CCDC38: variants seen among roughly 807,000 people sequenced by gnomAD.
CCDC38 encodes coiled-coil domain containing 38, also known as coiled-coil domain-containing protein 38.
CCDC38 carries 69 observed loss-of-function variants against 72.8 expected under a neutral mutation model. That is an observed-to-expected ratio of 0.95 (90% CI 0.78 to 1.16). CCDC38 has a LOEUF of 1.16. CCDC38 is among the 50% of genes most tolerant of loss of function. CCDC38 has a pLI of 0.00. For synonymous variants in CCDC38, 201 were observed against 213.2 expected (o/e 0.94, Z 0.50); for missense variants, 626 against 638.9 (o/e 0.98, Z 0.22).
At chr12:95,927,051 A>G (rs1265743609) in intron 2 of CCDC38, among the ~76,000 whole-genome samples, 22 of 152,200 alleles carry the variant, frequency 1.4e-4, no homozygotes, top group Admixed American at 3.9e-4. Context: ...GTAGATGTCT[A>G]TTAGGTCTGC....
intron 2 of CCDC38, among the ~76,000 whole-genome samples, chr12:95,925,195 T>G (rs2080255358): frequency 6.6e-6 from 1 of 152,188 alleles, no homozygotes; most frequent in African/African-American, 2.4e-5. Flanking sequence ...TTCCATTTGT[T>G]TGTATCCTCT....
rs754152531 is a variant in CCDC38 at position 95,869,539 on chromosome 12, G to T, written c.1519C>A (p.His507Asn). The T allele has an allele frequency of 6.8e-6, 11 of 1,613,410 alleles. No individual in the cohort carries two copies. Among genetic ancestry groups the T allele is most frequent in the Non-Finnish European group, 9.3e-6 (11 of 1,179,828 alleles). Reference sequence around the variant, plus strand: ...GCAGCTTTTAGCCTTTCCTGTTGGTGTCTTTGTTTTTCTTTCATTTTCTCA... The same window carrying T: ...GCAGCTTTTAGCCTTTCCTGTTGGTTTCTTTGTTTTTCTTTCATTTTCTCA... ...RDEKMKEKQR[H>N]QQERLKAALE... The change falls in exon 15 of 16, where the codon CAC (histidine) becomes AAC (asparagine). Residue 507 changes from histidine (H) to asparagine (N), a missense_variant. By Grantham distance (68) the His-to-Asn change is moderately conservative. Transcript: ENST00000344280.
At chr12:95,875,576 T>C (rs560875780) in intron 13 of CCDC38, among the ~76,000 whole-genome samples, 1 of 152,166 alleles carries the variant, frequency 6.6e-6, no homozygotes, top group Non-Finnish European at 1.5e-5. Flanking sequence ...GAGCTGCAGC[T>C]AAATTTACTC....
chr12:95,886,536 C>T (rs1214036578), intron 10 of CCDC38, among the ~76,000 whole-genome samples: 1 of 152,180 alleles, frequency 6.6e-6, no homozygotes, highest in Non-Finnish European at 1.5e-5. Flanking sequence ...ACAATCTATA[C>T]ACTCAGAGAA....
Position 95,867,085 on chromosome 12 carries a change from A to G in CCDC38, c.1683T>C (p.Phe561=). The change falls in exon 16 of 16, where the codon TTT becomes TTC. Residue 561 remains phenylalanine (F), a synonymous_variant. Transcript: ENST00000344280. ...GTCTTACTGCTTTTATTCAAGTAAA[A>G]AAATATTCTTCCTCTTGTGATTTTG... ...TKTKSQEEEY[F]FT is the part of the protein sequence containing the mutation. 1 of 1,565,510 alleles carries G rather than the reference A, an allele frequency of 6.4e-7. No homozygotes were observed. Among genetic ancestry groups the G allele is most frequent in the South Asian group, 1.1e-5 (1 of 88,552 alleles).
intron 12 of CCDC38, among the ~76,000 whole-genome samples, chr12:95,878,953 A>T (rs2079667982): frequency 6.6e-6 from 1 of 152,202 alleles, no homozygotes; most frequent in African/African-American, 2.4e-5. Context: ...TTTGAAGTTA[A>T]ATGTAGTTTG....
chr12:95,878,327 G>T lies in CCDC38; in HGVS notation c.1162C>A (p.Leu388Ile). Residue 388 changes from leucine to isoleucine, a missense_variant, in exon 13 of 16, where the codon CTT becomes ATT. Transcript: ENST00000344280. ...QDKTNSNIEFLLEQEKMLKAN... is the reference protein window; with the variant it reads ...QDKTNSNIEFILEQEKMLKAN... ...TTAAGCATTTTTTCTTGCTCCAAAA[G>T]AAACTCTATGTTGCTATTTCTATTA... The T allele has an allele frequency of 3.1e-6, 5 of 1,612,860 alleles. No individual in the cohort carries two copies. The East Asian group carries it at 6.7e-5, about 22-fold the overall frequency.
intron 2 of CCDC38, among the ~76,000 whole-genome samples, chr12:95,932,585 A>C (rs1249396552): frequency 6.6e-6 from 1 of 152,222 alleles, no homozygotes; most frequent in Non-Finnish European, 1.5e-5. Context: ...AAACTGCAGA[A>C]TTGAAATAAC....
chr12:95,906,476 T>A (rs770547085), intron 4 of CCDC38, 25 bp from the exon 5 acceptor site: 1 of 1,534,622 alleles, frequency 6.5e-7, no homozygotes, highest in Non-Finnish European at 9.0e-7. Context: ...GAAATAGACT[T>A]AAGTTTAGTT....
intron 14 of CCDC38, chr12:95,869,896 T>C: frequency 4.4e-6 from 1 of 226,322 alleles, no homozygotes; most frequent in Non-Finnish European, 8.6e-6. Flanking sequence ...TGATCTTGGC[T>C]CACTGCAACC....
rs769977935 is a variant in CCDC38, at chr12:95,879,810, A to G, written c.991-15T>C. ...AGTGCTGGCTCCTAATTAATCAATA[A>G]TGAAGAATATAATTTACTTAAAAAT... On this transcript the variant is annotated splice_polypyrimidine_tract_variant and intron_variant, in intron 11 of 15. Coordinates refer to ENST00000344280, the MANE Select transcript of CCDC38 (RefSeq NM_182496.3). This position sits in a 1 kb window ranked among gnomAD's most constrained non-coding sequence, Gnocchi z 5.5. The G allele has an allele frequency of 1.3e-6, 2 of 1,570,348 alleles. No homozygotes were observed. Among genetic ancestry groups the G allele is most frequent in the South Asian group, 2.3e-5 (2 of 85,164 alleles).
At position 95,876,467 on chromosome 12, in the gene CCDC38, T is replaced by C. The variant is rs80161323; in HGVS notation, c.1278+1744A>G. ...AAAGATGATGAAAAAGTTGTGGAAATAGTGGTGATGGTTCCACAACATTGA... is the reference window on the plus strand; with the variant it reads ...AAAGATGATGAAAAAGTTGTGGAAACAGTGGTGATGGTTCCACAACATTGA... On this transcript the variant is annotated intron_variant, in intron 13 of 15. Coordinates refer to ENST00000344280, the MANE Select transcript of CCDC38 (RefSeq NM_182496.3). Among the ~76,000 whole-genome samples, 960 of 152,276 alleles carry C rather than the reference T, an allele frequency of 6.3e-3. 15 individuals carry two copies. The highest frequency in any genetic ancestry group is 0.022 in the African/African-American group (912 of 41,558).
At chr12:95,872,882 G>C (rs2079596803) in intron 13 of CCDC38, among the ~76,000 whole-genome samples, 1 of 152,184 alleles carries the variant, frequency 6.6e-6, no homozygotes, top group Admixed American at 6.5e-5. Context: ...AAAATGAGAA[G>C]TTTTAATAAA....
At chr12:95,938,326 A>G (rs1310524030) in intron 1 of CCDC38, among the ~76,000 whole-genome samples, 2 of 152,104 alleles carry the variant, frequency 1.3e-5, no homozygotes, top group African/African-American at 2.4e-5. Context: ...GATTTTCTCA[A>G]TTTTACACTC....
At chr12:95,936,408 C>T (rs2080394293) in intron 2 of CCDC38, 65 bp downstream of exon 2, 1 of 1,433,842 alleles carries the variant, frequency 7.0e-7, no homozygotes, top group East Asian at 2.3e-5. Context: ...CTTATGCTCA[C>T]AATCTGTTAT....
chr12:95,890,897 A>T lies in CCDC38; in HGVS notation c.806T>A (p.Ile269Asn). Reference protein sequence around the residue: ...LSLHSSNKEGILEESGRTAVL... With the variant: ...LSLHSSNKEGNLEESGRTAVL... ...AGCTGTCCTCCCGGACTCCTCAAGG[A>T]TGCCTTCCTTGTTACTTGAATGTAA... The change falls in exon 9 of 16, where the codon ATC (isoleucine) becomes AAC (asparagine). Residue 269 changes from isoleucine (I) to asparagine (N), a missense_variant. Physicochemically the swap from Ile to Asn is moderately radical, Grantham distance 149. Coordinates refer to ENST00000344280, the MANE Select transcript of CCDC38 (RefSeq NM_182496.3). The T allele has an allele frequency of 6.2e-7, 1 of 1,605,160 alleles. No individual in the cohort carries two copies. The highest frequency in any genetic ancestry group is 1.7e-4 in the Middle Eastern group (1 of 6,044).
rs941623962 is a variant in CCDC38, at chr12:95,888,383, G to A, written c.920+75C>T. The A allele has an allele frequency of 1.1e-5, 14 of 1,330,820 alleles. No individual in the cohort carries two copies. The Admixed American group carries it at 2.4e-4, about 22-fold the overall frequency. 82.4% of individuals were successfully genotyped at this position (1,330,820 alleles called of 1,614,324 possible). ...GTTATGGGTACATGACATATATGTT[G>A]AGAAAAGGCTTTAAAAGTTATTTGC... On this transcript the variant is annotated intron_variant, in intron 10 of 15. Transcript: ENST00000344280.
At chr12:95,869,882 G>A (rs2079562274) in intron 14 of CCDC38, 2 of 254,178 alleles carry the variant, frequency 7.9e-6, no homozygotes, top group South Asian at 8.8e-5. Flanking sequence ...GGAGTGCAGT[G>A]GCATGATCTT....
At chr12:95,924,542 A>C (rs1445828116) in intron 2 of CCDC38, among the ~76,000 whole-genome samples, 13 of 148,580 alleles carry the variant, frequency 8.7e-5, no homozygotes, top group African/African-American at 3.0e-4. Flanking sequence ...TCTTTAGTTT[A>C]ATTAGATCCC....
Sources: gnomAD v4.1 joint callset for allele counts (sites outside exome capture counted in the v4.1 genomes callset) on GRCh38, gnomAD v4.1.1 for gene constraint, Gnocchi (gnomAD v3.1) non-coding constraint, MANE v1.5 for transcripts, NCBI Gene and HGNC (gene_info 2026-07-23, HGNC 2026-07-21) for gene names.